DNAH8: variants seen among roughly 807,000 people sequenced by gnomAD.
DNAH8 encodes the protein dynein axonemal heavy chain 8, also known as axonemal beta dynein heavy chain 8.
DNAH8 carries 382 observed loss-of-function variants against 562.1 expected under a neutral mutation model. The observed-to-expected ratio is 0.68, with a 90% CI of 0.63 to 0.74. The LOEUF is 0.74. DNAH8 is among the 30% of genes least tolerant of loss of function. The probability of loss-of-function intolerance (pLI) is 0.00; values close to 1 mark genes in which losing one functional copy is unlikely to be tolerated. For synonymous variants in DNAH8, 1,881 were observed against 1,919.4 expected, an observed-to-expected ratio of 0.98 and a Z score of 0.52; for missense variants, 5,203 against 5,620.4, an observed-to-expected ratio of 0.93 and a Z score of 2.37.
chr6:39,015,594 C>G (rs963267941), intron 91 of DNAH8, among the ~76,000 whole-genome samples: 2 of 152,156 alleles, frequency 1.3e-5, no homozygotes, highest in African/African-American at 4.8e-5. Context: ...TCCCCTTCTG[C>G]CATGATTGTA....
chr6:38,754,211 A>G (rs1157331574), intron 9 of DNAH8, among the ~76,000 whole-genome samples: 1 of 152,164 alleles, frequency 6.6e-6, no homozygotes, highest in African/African-American at 2.4e-5. Context: ...AGGAGCTACT[A>G]TTGTAAATAA....
rs150057448 is a variant in DNAH8, at chr6:38,931,881, A to C, written c.11345A>C (p.Asn3782Thr). ...FKLYITTKLP[N>T]PAFTPEINAK... ...CTTTACATTACTACGAAGTTACCAA[A>C]TCCTGCCTTTACCCCAGAGATTAAT... is the stretch of plus-strand genomic sequence containing the variant. Residue 3782 changes from asparagine (N) to threonine (T), a missense_variant, in exon 76 of 93, where the codon AAT becomes ACT. By Grantham distance (65) the Asn-to-Thr change is moderately conservative. This residue lies in a region of DNAH8 where 1,399 missense variants were observed against 1,518.4 expected (regional missense o/e 0.92). Coordinates refer to ENST00000327475, the MANE Select transcript of DNAH8 (RefSeq NM_001206927.2). 46 of 1,611,364 alleles carry C rather than the reference A, an allele frequency of 2.9e-5. No homozygotes were observed. The highest frequency in any genetic ancestry group is 3.3e-4 in the Middle Eastern group (2 of 6,054).
intron 88 of DNAH8, among the ~76,000 whole-genome samples, chr6:39,003,316 G>A (rs1765600646): frequency 6.6e-6 from 1 of 152,326 alleles, no homozygotes; most frequent in Middle Eastern, 3.4e-3. Flanking sequence ...ATGCATCTCA[G>A]TGAACCTGAA....
In DNAH8 at chr6:38,822,886, C is replaced by CG; in HGVS notation, c.3577dup (p.Val1193GlyfsTer9). On this transcript the variant is annotated frameshift_variant, in exon 27 of 93. Transcript: ENST00000327475. LOFTEE classifies it high-confidence loss of function. Reference sequence around the variant, plus strand: ...GCGAGGAAGCTGAAGAATTTTTACCCGGGGGTAGCGGAGCACAAGGATATT... The same window carrying CG: ...GCGAGGAAGCTGAAGAATTTTTACCCGGGGGGTAGCGGAGCACAAGGATATT... 4 of 1,604,538 alleles carry CG rather than the reference C, an allele frequency of 2.5e-6. No homozygotes were observed. The highest frequency in any genetic ancestry group is 1.1e-5 in the South Asian group (1 of 88,496).
At chr6:38,721,228 A>C (rs2127562212) in intron 1 of DNAH8, among the ~76,000 whole-genome samples, 1 of 152,258 alleles carries the variant, frequency 6.6e-6, no homozygotes, top group Middle Eastern at 3.4e-3. Context: ...AGGTGGGAAG[A>C]TCACTTGAGC....
chr6:38,928,747 T>C (rs995590959), intron 74 of DNAH8, among the ~76,000 whole-genome samples: 6 of 152,278 alleles, frequency 3.9e-5, no homozygotes, highest in Non-Finnish European at 7.4e-5. Context: ...ATTCAGAAGA[T>C]AGGATACAAA....
rs1445586140 is a variant in DNAH8, at chr6:38,791,652, A to C, written c.2879A>C (p.Glu960Ala). 9 of 1,614,024 alleles carry C rather than the reference A, an allele frequency of 5.6e-6. No individual in the cohort carries two copies. Among genetic ancestry groups the C allele is most frequent in the Non-Finnish European group, 7.6e-6 (9 of 1,179,952 alleles). Residue 960 changes from glutamate (E) to alanine (A), a missense_variant, in exon 21 of 93, where the codon GAA becomes GCA. Transcript: ENST00000327475. ...SLPESGATKV[E>A]DMLTLNETYT... is the part of the protein sequence containing the mutation. ...CCTGAAAGTGGTGCTACCAAAGTAG[A>C]AGATATGTTGACCCTCAATGAGGTA...
rs539860821 is a variant in DNAH8, at chr6:38,971,669, T to A, written c.12525+4T>A. 12 of 1,595,226 alleles carry A rather than the reference T, an allele frequency of 7.5e-6. No individual in the cohort carries two copies. The East Asian group carries it at 2.0e-4, about 27-fold the overall frequency. On this transcript the variant is annotated splice_donor_region_variant and intron_variant, in intron 83 of 92. Transcript: ENST00000327475. ...GATTCAGATGTCAATGCAGCAGGTA[T>A]GTGACAAGAGACTGCTCCTGCTGCA... is the stretch of plus-strand genomic sequence containing the variant.
At position 38,993,029 on chromosome 6, in the gene DNAH8, G is replaced by T. The variant is rs544899576; in HGVS notation, c.13214+2857G>T. Among the ~76,000 whole-genome samples, 22 of 152,212 alleles carry T rather than the reference G, an allele frequency of 1.4e-4. 1 individual carries two copies. The highest frequency in any genetic ancestry group is 1.0e-3 in the Admixed American group (16 of 15,288). ...ATCACATATATTTCTCTGTGTGTGT[G>T]TTTGTGTGCCCTCTCAGTGGATAGA... On this transcript the variant is annotated intron_variant, in intron 88 of 92. Transcript: ENST00000327475.
intron 48 of DNAH8, 33 bp downstream of exon 48, chr6:38,868,229 T>A: frequency 6.3e-7 from 1 of 1,581,058 alleles, no homozygotes; most frequent in Non-Finnish European, 8.6e-7. Context: ...TTTTCCACAA[T>A]TTTAATATTG....
intron 24 of DNAH8, among the ~76,000 whole-genome samples, chr6:38,809,352 A>G (rs1771588898): frequency 6.6e-6 from 1 of 152,204 alleles, no homozygotes; most frequent in Non-Finnish European, 1.5e-5. Flanking sequence ...AATGTCTTCC[A>G]AAACTTTTGT....
intron 88 of DNAH8, among the ~76,000 whole-genome samples, chr6:39,002,138 C>T (rs1161774395): frequency 6.6e-6 from 1 of 152,080 alleles, no homozygotes; most frequent in Non-Finnish European, 1.5e-5. Context: ...CTCTGGGGCT[C>T]CAGGGAAATG....
In DNAH8 at chr6:38,990,889, C is replaced by T. The variant is rs1332038296; in HGVS notation, c.13214+717C>T. ...TGAACTGGAATCCTTTGGAATGGAC[C>T]GCATGTCCTCTGCAGCCCCCTGATG... On this transcript the variant is annotated intron_variant, in intron 88 of 92. Coordinates refer to ENST00000327475, the MANE Select transcript of DNAH8 (RefSeq NM_001206927.2). Among the ~76,000 whole-genome samples, 3 of 152,168 alleles carry T rather than the reference C, an allele frequency of 2.0e-5. No individual in the cohort carries two copies. The South Asian group carries it at 6.2e-4, about 32-fold the overall frequency.
chr6:38,870,276 G>C, intron 48 of DNAH8, 125 bp from the exon 49 acceptor site: 1 of 817,410 alleles, frequency 1.2e-6, no homozygotes, highest in South Asian at 1.8e-5. Flanking sequence ...GAGAATACAA[G>C]CCTGATTAGG....
intron 43 of DNAH8, among the ~76,000 whole-genome samples, chr6:38,861,771 A>T (rs1201317698): frequency 6.6e-6 from 1 of 152,054 alleles, no homozygotes; most frequent in Non-Finnish European, 1.5e-5. Context: ...TGACCTCATG[A>T]TCCGCCCACC....
rs763902214 is a variant in DNAH8, at chr6:38,826,175, A to G, written c.3867A>G (p.Leu1289=). The G allele has an allele frequency of 3.7e-6, 6 of 1,605,312 alleles. No individual in the cohort carries two copies. The South Asian group carries it at 4.5e-5, about 12-fold the overall frequency. The change falls in exon 29 of 93, where the codon TTA becomes TTG. Residue 1289 remains leucine (L), a synonymous_variant. Transcript: ENST00000327475. ...CATCAGAGCCGATGAAATTGGCCTT[A>G]TCCATCGAGGCCAAGGCATGGAAGA... ...ELHTEPMKLA[L]SIEAKAWKML... is the part of the protein sequence containing the mutation.
At chr6:38,737,406 A>G (rs1454358520) in intron 6 of DNAH8, 150 bp downstream of exon 6, 3 of 446,034 alleles carry the variant, frequency 6.7e-6, no homozygotes, top group Non-Finnish European at 1.1e-5. Context: ...ATTAGAACTC[A>G]TTTTTGAGGA....
At chr6:38,870,800 T>G (rs888234782) in intron 49 of DNAH8, among the ~76,000 whole-genome samples, 10 of 152,152 alleles carry the variant, frequency 6.6e-5, no homozygotes, top group Non-Finnish European at 1.2e-4. Context: ...TTATACCTGG[T>G]GACAATGTTG....
intron 91 of DNAH8, among the ~76,000 whole-genome samples, chr6:39,018,636 C>T (rs895593191): frequency 6.6e-6 from 1 of 152,238 alleles, no homozygotes; most frequent in African/African-American, 2.4e-5. Flanking sequence ...CATCTTCCTC[C>T]TGAGTCATCT....
Sources: gnomAD v4.1 joint callset for allele counts (sites outside exome capture counted in the v4.1 genomes callset) on GRCh38, gnomAD v4.1.1 for gene constraint, gnomAD v4.1.1 regional missense constraint, MANE v1.5 for transcripts, NCBI Gene and HGNC (gene_info 2026-07-23, HGNC 2026-07-21) for gene names.